Variants in DNM3 observed in about 807,000 individuals in gnomAD.
DNM3 encodes dynamin-3.
Under a neutral mutation model 101.6 loss-of-function variants are expected in DNM3, and 47 were observed. The ratio of observed to expected loss-of-function variants is 0.46; its 90% CI spans 0.37 to 0.59. The LOEUF (loss-of-function observed/expected upper bound fraction) is 0.59. Ranked by LOEUF, DNM3 falls within the 20% of genes least tolerant of loss-of-function variation. DNM3 has a pLI of 0.00. For synonymous variants in DNM3, 385 were observed against 387.9 expected (o/e 0.99, Z 0.09); for missense variants, 849 against 1,085.7 (o/e 0.78, Z 3.06).
intron 12 of DNM3, among the ~76,000 whole-genome samples, chr1:172,090,702 C>T (rs988158459): frequency 2.6e-5 from 4 of 152,162 alleles, no homozygotes; most frequent in Non-Finnish European, 5.9e-5. Flanking sequence ...CAGTTGAATG[C>T]AGTGTTTTTT....
At chr1:172,146,729 A>G (rs138578330) in intron 14 of DNM3, among the ~76,000 whole-genome samples, 4 of 152,300 alleles carry the variant, frequency 2.6e-5, no homozygotes, top group South Asian at 2.1e-4. Context: ...GTAGTCAGCC[A>G]GTATTCCAGG....
chr1:172,018,833 A>C (rs1029305716), intron 4 of DNM3, among the ~76,000 whole-genome samples: 7 of 151,722 alleles, frequency 4.6e-5, no homozygotes, highest in Non-Finnish European at 7.4e-5. Flanking sequence ...TGAGTTTCTG[A>C]CTTAATATTA....
At chr1:172,368,200 C>A (rs1290099009) in intron 17 of DNM3, among the ~76,000 whole-genome samples, 1 of 151,842 alleles carries the variant, frequency 6.6e-6, no homozygotes, top group Non-Finnish European at 1.5e-5. Flanking sequence ...ATGGAACATG[C>A]CCCCGGATAG....
chr1:172,092,687 A>T lies in DNM3; in HGVS notation c.1494-137A>T, dbSNP rs1185282872. The T allele has an allele frequency of 6.7e-6, 6 of 891,568 alleles. No individual in the cohort carries two copies. In the Admixed American group the frequency reaches 2.0e-4, roughly 30 times the overall value. The allele number at this position is 891,568 out of a possible 1,614,324, so 55.2% of individuals were successfully genotyped here. On this transcript the variant is annotated intron_variant, in intron 12 of 20. Coordinates refer to ENST00000627582, the MANE Select transcript of DNM3 (RefSeq NM_015569.5). Reference sequence around the variant, plus strand: ...GAGTTGGTTTTGCTTCCAGAATTAAACTGACCTGGAATTTTGGTATTAGGT... The same window carrying T: ...GAGTTGGTTTTGCTTCCAGAATTAATCTGACCTGGAATTTTGGTATTAGGT...
At chr1:172,133,169 T>C (rs2057033361) in intron 14 of DNM3, 1 of 1,326,598 alleles carries the variant, frequency 7.5e-7, no homozygotes, top group African/African-American at 1.5e-5. Context: ...GAGTGTGGCA[T>C]TAGTCTGGCT....
rs951752069 is a variant in DNM3 at position 172,371,890 on chromosome 1, T to TTTTATTTA, written c.1894-7104_1894-7097dup. Among the ~76,000 whole-genome samples, 485 of 147,796 alleles carry TTTTATTTA rather than the reference T, an allele frequency of 3.3e-3. 2 individuals are homozygous for TTTTATTTA. Among genetic ancestry groups the TTTTATTTA allele is most frequent in the African/African-American group, 0.011 (454 of 39,940 alleles). ...TTTTTATTTTTTATTTTTTTTACTT[T>TTTTATTTA]TTTATTTATTTATTTATTTATTTAT... On this transcript the variant is annotated intron_variant, in intron 17 of 20. Coordinates refer to ENST00000627582, the MANE Select transcript of DNM3 (RefSeq NM_015569.5).
chr1:171,925,500 G>T (rs947455521), intron 2 of DNM3, among the ~76,000 whole-genome samples: 3 of 151,982 alleles, frequency 2.0e-5, no homozygotes, highest in Non-Finnish European at 4.4e-5. Flanking sequence ...AAAGTGCTGG[G>T]ATTACAGGTG....
Position 172,065,089 on chromosome 1 carries a change from C to T in DNM3, c.1336-3730C>T, listed in dbSNP as rs141382243. ...GTAGATTGGAGGCATTCTTAGATGTCTCTACTTCATGGGATATTCTTGTCA... is the reference window on the plus strand; with the variant it reads ...GTAGATTGGAGGCATTCTTAGATGTTTCTACTTCATGGGATATTCTTGTCA... On this transcript the variant is annotated intron_variant, in intron 10 of 20. Transcript: ENST00000627582. Among the ~76,000 whole-genome samples the T allele has an allele frequency of 3.7e-3, 568 of 152,262 alleles. 7 individuals are homozygous for T. Among genetic ancestry groups the T allele is most frequent in the African/African-American group, 0.013 (550 of 41,538 alleles).
At chr1:171,960,569 G>A (rs1050305455) in intron 2 of DNM3, among the ~76,000 whole-genome samples, 1 of 152,174 alleles carries the variant, frequency 6.6e-6, no homozygotes. Context: ...TAATACCTTC[G>A]TGGGTTAGTG....
intron 2 of DNM3, among the ~76,000 whole-genome samples, chr1:171,986,633 C>CTT (rs367716705): frequency 6.5e-4 from 89 of 137,412 alleles, no homozygotes; most frequent in South Asian, 1.2e-3. Context: ...CCACATCTGG[C>CTT]TTTTTTTTTT....
At chr1:172,058,147 A>G (rs551893251) in intron 10 of DNM3, among the ~76,000 whole-genome samples, 3 of 139,470 alleles carry the variant, frequency 2.2e-5, no homozygotes, top group African/African-American at 2.8e-5. Flanking sequence ...AGAGCTAACT[A>G]TCTTAAATAT....
intron 2 of DNM3, among the ~76,000 whole-genome samples, chr1:171,972,840 A>G (rs2044101557): frequency 7.8e-6 from 1 of 128,784 alleles, no homozygotes; most frequent in African/African-American, 3.0e-5. Flanking sequence ...CAAGAGCAAA[A>G]CTCCATCTCA....
intron 11 of DNM3, among the ~76,000 whole-genome samples, chr1:172,077,694 TC>T (rs1338293648): frequency 6.6e-6 from 1 of 152,244 alleles, no homozygotes; most frequent in Non-Finnish European, 1.5e-5. Context: ...TGATTTCTGT[TC>T]TTTTGCATTT....
intron 2 of DNM3, chr1:171,987,292 G>T: frequency 1.0e-6 from 1 of 985,186 alleles, no homozygotes; most frequent in Non-Finnish European, 1.2e-6. Context: ...AGAGGGGAAT[G>T]CTAACAGAAC....
At chr1:171,950,215 G>A (rs1471205835) in intron 2 of DNM3, among the ~76,000 whole-genome samples, 3 of 152,276 alleles carry the variant, frequency 2.0e-5, no homozygotes, top group East Asian at 3.9e-4. Context: ...AGAAAAAAAA[G>A]AGTATATATA....
At chr1:172,398,663 C>T (rs1217712585) in intron 20 of DNM3, among the ~76,000 whole-genome samples, 1 of 152,192 alleles carries the variant, frequency 6.6e-6, no homozygotes, top group East Asian at 1.9e-4. Context: ...TTCTTACGTA[C>T]AGCCTCCATG....
intron 4 of DNM3, among the ~76,000 whole-genome samples, chr1:172,006,725 T>C (rs910761010): frequency 1.3e-5 from 2 of 152,082 alleles, no homozygotes; most frequent in Non-Finnish European, 2.9e-5. Context: ...TAAAGTTTGA[T>C]GAGCTTTGAC....
chr1:171,882,343 C>CACA (rs368158821), intron 1 of DNM3, among the ~76,000 whole-genome samples: 1 of 110,514 alleles, frequency 9.0e-6, no homozygotes, highest in Non-Finnish European at 1.8e-5. Context: ...AACTCCGTCT[C>CACA]AAAAAAAAAA....
At chr1:172,098,779 T>G (rs2054428251) in intron 13 of DNM3, among the ~76,000 whole-genome samples, 1 of 152,220 alleles carries the variant, frequency 6.6e-6, no homozygotes. Flanking sequence ...AGCTGGTCCC[T>G]CCGTTCGGGG....
Sources: gnomAD v4.1 joint callset for allele counts (sites outside exome capture counted in the v4.1 genomes callset) on GRCh38, gnomAD v4.1.1 for gene constraint, MANE v1.5 for transcripts, NCBI Gene and HGNC (gene_info 2026-07-23, HGNC 2026-07-21) for gene names.